Variants in MPHOSPH6 observed in about 807,000 individuals in gnomAD.
The protein encoded by MPHOSPH6 is M-phase phosphoprotein 6.
MPHOSPH6 carries 25 observed loss-of-function variants against 21.8 expected under a neutral mutation model. That is an observed-to-expected ratio of 1.15 (90% confidence interval 0.83 to 1.60). The LOEUF is 1.60. MPHOSPH6 is among the 40% of genes most tolerant of loss of function. MPHOSPH6 has a pLI of 0.00. For synonymous variants in MPHOSPH6, 84 were observed against 56.5 expected (o/e 1.49, Z -2.18); for missense variants, 269 against 181.8 (o/e 1.48, Z -2.76).
At chr16:82,159,623 G>T (rs1017208923) in intron 2 of MPHOSPH6, among the ~76,000 whole-genome samples, 1 of 152,138 alleles carries the variant, frequency 6.6e-6, no homozygotes, top group Non-Finnish European at 1.5e-5. Context: ...AACCATGATG[G>T]TCTCGATCTC....
intron 2 of MPHOSPH6, 79 bp from the exon 3 acceptor site, chr16:82,151,593 T>C (rs566564675): frequency 6.9e-7 from 1 of 1,458,520 alleles, no homozygotes; most frequent in African/African-American, 1.4e-5. Flanking sequence ...ATAAAAAAAA[T>C]AATCAACCTA....
chr16:82,158,949 GATCT>G (rs150380604), intron 2 of MPHOSPH6, among the ~76,000 whole-genome samples: 17,863 of 152,166 alleles, frequency 0.12, 1,271 homozygotes, highest in East Asian at 0.29. Context: ...ACAGGTAAAA[GATCT>G]ATTTGGAATA....
rs1180577838 is a variant in MPHOSPH6 at position 82,170,180 on chromosome 16, G to A, written c.-5C>T. ...TGTCTTTCGCTCGGCCGCCATGGTA[G>A]CTTCCGCCCAGCGCCGCACTCCGGC... On this transcript the variant is annotated 5_prime_UTR_variant, in exon 1 of 5. Transcript: ENST00000258169. 7 of 1,587,032 alleles carry A rather than the reference G, an allele frequency of 4.4e-6. No individual in the cohort carries two copies. In the East Asian group the frequency reaches 1.2e-4, roughly 27 times the overall value.
intron 2 of MPHOSPH6, among the ~76,000 whole-genome samples, chr16:82,159,408 T>TA (rs1480903971): frequency 1.3e-5 from 2 of 152,154 alleles, no homozygotes; most frequent in African/African-American, 4.8e-5. Flanking sequence ...GTGTTCTAAA[T>TA]AAATTTTTTT....
chr16:82,159,658 G>T (rs558062492), intron 2 of MPHOSPH6, among the ~76,000 whole-genome samples: 2 of 152,064 alleles, frequency 1.3e-5, no homozygotes, highest in South Asian at 2.1e-4. Flanking sequence ...CGCCTGCCTC[G>T]GCCTCCCAAA....
intron 2 of MPHOSPH6, among the ~76,000 whole-genome samples, chr16:82,161,407 G>T (rs1326874342): frequency 2.6e-5 from 4 of 152,130 alleles, no homozygotes; most frequent in Non-Finnish European, 4.4e-5. Flanking sequence ...AGTATAAGAT[G>T]TACAATAGCC....
chr16:82,167,926 G>A (rs7205347), intron 1 of MPHOSPH6, among the ~76,000 whole-genome samples: 69,895 of 152,018 alleles, frequency 0.46, 19,286 homozygotes, highest in Non-Finnish European at 0.62. Context: ...TCTGGTTAAG[G>A]CACCCTAAGT....
chr16:82,148,746 T>A lies in MPHOSPH6; in HGVS notation c.468A>T (p.Leu156Phe), dbSNP rs1906162973. The A allele has an allele frequency of 6.2e-7, 1 of 1,614,070 alleles. No homozygotes were observed. The highest frequency in any genetic ancestry group is 8.5e-7 in the Non-Finnish European group (1 of 1,180,050). ...GGCATCCATCTTAATCCTGGGGCTTTAAGAACATCTTCTTTGCTTTAATTG... is the reference window on the plus strand; with the variant it reads ...GGCATCCATCTTAATCCTGGGGCTTAAAGAACATCTTCTTTGCTTTAATTG... ...ITPIKAKKMF[L>F]KPQD Residue 156 changes from leucine (L) to phenylalanine (F), a missense_variant, in exon 5 of 5, where the codon TTA becomes TTT. Coordinates refer to ENST00000258169, the MANE Select transcript of MPHOSPH6 (RefSeq NM_005792.2).
intron 2 of MPHOSPH6, among the ~76,000 whole-genome samples, chr16:82,153,216 A>C (rs536940417): frequency 9.2e-5 from 14 of 152,344 alleles, no homozygotes; most frequent in African/African-American, 3.4e-4. Context: ...AACATGAAAC[A>C]TTTATATCAC....
intron 2 of MPHOSPH6, among the ~76,000 whole-genome samples, chr16:82,153,625 A>C (rs891119999): frequency 6.6e-6 from 1 of 152,202 alleles, no homozygotes; most frequent in African/African-American, 2.4e-5. Context: ...GAGCTACACT[A>C]TGGAATTCAG....
intron 4 of MPHOSPH6, 30 bp downstream of exon 4, chr16:82,149,279 G>A: frequency 6.2e-7 from 1 of 1,604,950 alleles, no homozygotes; most frequent in South Asian, 1.1e-5. Context: ...GCTAGGTCCA[G>A]ATTAGAAGGC....
At chr16:82,162,674 C>A (rs1567615095) in intron 2 of MPHOSPH6, among the ~76,000 whole-genome samples, 1 of 152,208 alleles carries the variant, frequency 6.6e-6, no homozygotes, top group Non-Finnish European at 1.5e-5. Context: ...GAGGGGCCCC[C>A]CTATGCCCCA....
chr16:82,165,799 A>T (rs1597165464), intron 1 of MPHOSPH6, among the ~76,000 whole-genome samples: 2 of 152,348 alleles, frequency 1.3e-5, no homozygotes, highest in African/African-American at 4.8e-5. Flanking sequence ...GTTTGCGTAG[A>T]TGAACCCTAT....
chr16:82,164,133 A>G lies in MPHOSPH6; in HGVS notation c.113T>C (p.Ile38Thr). 1 of 1,612,778 alleles carries G rather than the reference A, an allele frequency of 6.2e-7. No individual in the cohort carries two copies. The highest frequency in any genetic ancestry group is 8.5e-7 in the Non-Finnish European group (1 of 1,179,936). Residue 38 changes from isoleucine (I) to threonine (T), a missense_variant, in exon 2 of 5, where the codon ATC (isoleucine) becomes ACC (threonine). Transcript: ENST00000258169. ...CAAGTACCAGTGCTCTTCACTAATG[A>G]TTTTCTTTTCTTCTTCTTCTAGTTG... is the stretch of plus-strand genomic sequence containing the variant. ...KKQLEEEEKK[I>T]ISEEHWYLDL... is the part of the protein sequence containing the mutation.
intron 2 of MPHOSPH6, among the ~76,000 whole-genome samples, chr16:82,157,475 G>C (rs892943782): frequency 6.6e-6 from 1 of 152,222 alleles, no homozygotes; most frequent in South Asian, 2.1e-4. Context: ...GCTTGCATCA[G>C]AGCAGGAGTG....
intron 2 of MPHOSPH6, among the ~76,000 whole-genome samples, chr16:82,154,299 C>A (rs1265813151): frequency 1.3e-5 from 2 of 151,998 alleles, no homozygotes; most frequent in Non-Finnish European, 2.9e-5. Context: ...CAAAACACAC[C>A]CTAACAAAAT....
Position 82,148,643 on chromosome 16 carries a change from A to T in MPHOSPH6, c.*88T>A. On this transcript the variant is annotated 3_prime_UTR_variant, in exon 5 of 5. Transcript: ENST00000258169. ...TTTACAAGTAAACGTTACAGTATTAATAACTATAGAGACACCATTGGGATG... is the reference window on the plus strand; with the variant it reads ...TTTACAAGTAAACGTTACAGTATTATTAACTATAGAGACACCATTGGGATG... 6.9e-7 allele frequency: 1 copy of T among 1,455,042 alleles called. No homozygotes were observed. Among genetic ancestry groups the T allele is most frequent in the Non-Finnish European group, 9.2e-7 (1 of 1,081,748 alleles). The allele number at this position is 1,455,042 out of a possible 1,614,324, so 90.1% of individuals were successfully genotyped here.
At chr16:82,155,943 A>T (rs538361501) in intron 2 of MPHOSPH6, among the ~76,000 whole-genome samples, 1 of 152,188 alleles carries the variant, frequency 6.6e-6, no homozygotes, top group South Asian at 2.1e-4. Flanking sequence ...CAGGTTATCT[A>T]TGAAAGACAT....
chr16:82,155,275 C>A (rs2142408239), intron 2 of MPHOSPH6, among the ~76,000 whole-genome samples: 1 of 152,320 alleles, frequency 6.6e-6, no homozygotes, highest in East Asian at 1.9e-4. Flanking sequence ...TGATCAGAAA[C>A]AATTCAAGGA....
Sources: gnomAD v4.1 joint callset for allele counts (sites outside exome capture counted in the v4.1 genomes callset) on GRCh38, gnomAD v4.1.1 for gene constraint, MANE v1.5 for transcripts, NCBI Gene and HGNC (gene_info 2026-07-23, HGNC 2026-07-21) for gene names.